The following NXPE2 variants were observed in gnomAD, a reference collection of about 807,000 sequenced individuals.
The protein encoded by NXPE2 is neurexophilin and PC-esterase domain family member 2.
NXPE2 carries 34 observed loss-of-function variants against 34.4 expected under a neutral mutation model. The ratio of observed to expected loss-of-function variants is 0.99; its 90% CI spans 0.75 to 1.31. The LOEUF (loss-of-function observed/expected upper bound fraction) is 1.31, where lower values mean the gene tolerates loss of function less well. Ranked by LOEUF, NXPE2 falls within the 40% of genes most tolerant of loss-of-function variation. The probability of loss-of-function intolerance (pLI) is 0.00; values close to 1 mark genes in which losing one functional copy is unlikely to be tolerated. For missense variants in NXPE2, 649 were observed against 672.5 expected (o/e 0.97, Z 0.39); for synonymous variants, 235 against 231.3 (o/e 1.02, Z -0.15).
chr11:114,716,780 G>A, the NXPE2 span, among the ~76,000 whole-genome samples: 1 of 152,130 alleles, frequency 6.6e-6, no homozygotes, highest in African/African-American at 2.4e-5. Flanking sequence ...ACTTGATTAT[G>A]TTTCTTAAGG....
At chr11:114,737,822 C>T in the NXPE2 span, among the ~76,000 whole-genome samples, 3 of 152,132 alleles carry the variant, frequency 2.0e-5, no homozygotes, top group Admixed American at 6.5e-5. Context: ...GTGGCTCACA[C>T]CTGTAATCCC....
At chr11:114,613,188 G>T in the NXPE2 span, among the ~76,000 whole-genome samples, 1 of 151,832 alleles carries the variant, frequency 6.6e-6, no homozygotes, top group East Asian at 1.9e-4. Context: ...TGCCTCTAGG[G>T]TAACCACTGT....
the NXPE2 span, among the ~76,000 whole-genome samples, chr11:114,802,159 A>G: frequency 3.9e-5 from 6 of 152,152 alleles, no homozygotes; most frequent in Non-Finnish European, 1.5e-5. Context: ...TAGCCCAATA[A>G]ACAACCCAGA....
At chr11:114,695,430 A>G (rs912655911) in intron 2 of NXPE2, among the ~76,000 whole-genome samples, 2 of 152,102 alleles carry the variant, frequency 1.3e-5, no homozygotes, top group Non-Finnish European at 2.9e-5. Flanking sequence ...GTGAAATAAG[A>G]AGGCCAGATG....
intron 2 of NXPE2, among the ~76,000 whole-genome samples, chr11:114,685,889 C>A: frequency 6.6e-6 from 1 of 151,810 alleles, no homozygotes; most frequent in Admixed American, 6.6e-5. Context: ...AAATAAATAA[C>A]AGATACATGT....
the NXPE2 span, among the ~76,000 whole-genome samples, chr11:114,760,503 G>T: frequency 9.9e-3 from 1,502 of 152,278 alleles, 24 homozygotes; most frequent in African/African-American, 0.035. Context: ...AAGCTGCAGG[G>T]ATTTTCCGCA....
chr11:114,651,971 A>T, the NXPE2 span, among the ~76,000 whole-genome samples: 1 of 152,148 alleles, frequency 6.6e-6, no homozygotes, highest in Non-Finnish European at 1.5e-5. Context: ...TCACAGTGGC[A>T]CTCCAGCTTG....
At chr11:114,546,516 G>C in the NXPE2 span, among the ~76,000 whole-genome samples, 1 of 149,546 alleles carries the variant, frequency 6.7e-6, no homozygotes, top group Non-Finnish European at 1.5e-5. Context: ...TGACCAGACT[G>C]GTCCCGAATT....
At chr11:114,665,892 C>T in the NXPE2 span, among the ~76,000 whole-genome samples, 2 of 152,130 alleles carry the variant, frequency 1.3e-5, no homozygotes, top group African/African-American at 4.8e-5. Context: ...TTTGCTTGCA[C>T]TAAAATAGTT....
At chr11:114,747,763 G>A in the NXPE2 span, among the ~76,000 whole-genome samples, 2 of 152,298 alleles carry the variant, frequency 1.3e-5, no homozygotes, top group East Asian at 3.9e-4. Flanking sequence ...AATTTGAGAT[G>A]AGAGTTGGGT....
the NXPE2 span, among the ~76,000 whole-genome samples, chr11:114,736,054 G>C: frequency 6.6e-6 from 1 of 152,142 alleles, no homozygotes; most frequent in Non-Finnish European, 1.5e-5. Flanking sequence ...TGTATGAATA[G>C]GGTGTGGGTC....
chr11:114,602,227 TTA>T, the NXPE2 span, among the ~76,000 whole-genome samples: 12 of 113,206 alleles, frequency 1.1e-4, no homozygotes, highest in Non-Finnish European at 1.6e-5. Context: ...ATGTTATAGA[TTA>T]TATATTATAC....
At chr11:114,776,798 T>C in the NXPE2 span, among the ~76,000 whole-genome samples, 1 of 152,224 alleles carries the variant, frequency 6.6e-6, no homozygotes, top group Non-Finnish European at 1.5e-5. Context: ...TCTGACACCC[T>C]ACCCCAGAGA....
At chr11:114,581,129 G>T in the NXPE2 span, among the ~76,000 whole-genome samples, 1 of 152,114 alleles carries the variant, frequency 6.6e-6, no homozygotes, top group African/African-American at 2.4e-5. Context: ...TGATTAGCAA[G>T]GTTTTAATGC....
At chr11:114,531,304 T>C in the NXPE2 span, among the ~76,000 whole-genome samples, 1 of 152,170 alleles carries the variant, frequency 6.6e-6, no homozygotes, top group African/African-American at 2.4e-5. Flanking sequence ...TCTTTTCATA[T>C]ATGCCTTACA....
chr11:114,754,035 C>T, the NXPE2 span, among the ~76,000 whole-genome samples: 1 of 152,166 alleles, frequency 6.6e-6, no homozygotes, highest in Admixed American at 6.5e-5. Context: ...TAAATCACTT[C>T]TTTGTGCCTC....
chr11:114,632,658 AATAT>A, the NXPE2 span, among the ~76,000 whole-genome samples: 1 of 90,530 alleles, frequency 1.1e-5, no homozygotes, highest in Non-Finnish European at 1.9e-5. Flanking sequence ...ATGTAAAATA[AATAT>A]ATAGTATATA....
At chr11:114,535,940 C>A in the NXPE2 span, among the ~76,000 whole-genome samples, 1 of 152,162 alleles carries the variant, frequency 6.6e-6, no homozygotes, top group South Asian at 2.1e-4. Flanking sequence ...ACCTAATAGA[C>A]ATCTACAGAA....
the NXPE2 span, chr11:114,583,633 G>A: frequency 1.7e-6 from 1 of 591,384 alleles, no homozygotes; most frequent in East Asian, 4.4e-5. Context: ...TTAATGAGCA[G>A]CAGATGGACA....
Sources: allele counts gnomAD v4.1 joint callset (sites outside exome capture counted in the v4.1 genomes callset), GRCh38; gene constraint gnomAD v4.1.1; transcripts MANE v1.5; gene names NCBI Gene and HGNC (gene_info 2026-07-23, HGNC 2026-07-21).